Variants in IL23R observed in about 807,000 individuals in gnomAD.
IL23R encodes the protein interleukin 23 receptor.
IL23R carries 34 observed loss-of-function variants against 56.9 expected under a neutral mutation model. The ratio of observed to expected loss-of-function variants is 0.60; its 90% confidence interval spans 0.45 to 0.80. The LOEUF is 0.80. Among genes scored for constraint, IL23R ranks in the 30% least tolerant of loss-of-function variants. IL23R has a pLI of 0.00. For synonymous variants in IL23R, 230 were observed against 249.2 expected, an observed-to-expected ratio of 0.92 and a Z score of 0.73; for missense variants, 635 against 730.0, an observed-to-expected ratio of 0.87 and a Z score of 1.50.
At chr1:67,159,794 G>T (rs1238335090) in intron 1 of IL23R, among the ~76,000 whole-genome samples, 1 of 152,088 alleles carries the variant, frequency 6.6e-6, no homozygotes, top group Non-Finnish European at 1.5e-5. Context: ...AAATAAAACA[G>T]CATATCACAA....
At chr1:67,151,955 G>A (rs1646732365) in intron 1 of IL23R, among the ~76,000 whole-genome samples, 1 of 152,006 alleles carries the variant, frequency 6.6e-6, no homozygotes, top group African/African-American at 2.4e-5. Context: ...GCTCTTTTTT[G>A]GTTCCATATG....
intron 1 of IL23R, among the ~76,000 whole-genome samples, chr1:67,152,033 A>G (rs1646733323): frequency 6.6e-6 from 1 of 152,190 alleles, no homozygotes; most frequent in African/African-American, 2.4e-5. Flanking sequence ...ATAGGCTTGA[A>G]TCTATAAATT....
chr1:67,233,533 A>C (rs562537519), intron 7 of IL23R, among the ~76,000 whole-genome samples: 1 of 152,316 alleles, frequency 6.6e-6, no homozygotes, highest in African/African-American at 2.4e-5. Context: ...TGATTAAACT[A>C]GCCTGGTGTT....
upstream of IL23R, among the ~76,000 whole-genome samples, chr1:67,161,857 A>T (rs1377792572): frequency 4.0e-5 from 6 of 151,876 alleles, no homozygotes; most frequent in Admixed American, 3.3e-4. Context: ...CGATTTCCTG[A>T]CCTTGCGATC....
intron 1 of IL23R, among the ~76,000 whole-genome samples, chr1:67,158,505 A>G (rs1003316860): frequency 1.3e-5 from 2 of 152,226 alleles, no homozygotes; most frequent in African/African-American, 4.8e-5. Flanking sequence ...TAAGGGGCAG[A>G]TTATGCAGAA....
chr1:67,162,282 G>A (rs1375813839), upstream of IL23R, among the ~76,000 whole-genome samples: 1 of 151,790 alleles, frequency 6.6e-6, no homozygotes, highest in Non-Finnish European at 1.5e-5. Flanking sequence ...TGGCTAACAC[G>A]GTGAAACCCA....
intron 6 of IL23R, among the ~76,000 whole-genome samples, chr1:67,212,301 G>C (rs772221152): frequency 2.6e-5 from 4 of 152,170 alleles, no homozygotes; most frequent in Non-Finnish European, 5.9e-5. Flanking sequence ...ATTTCATCTG[G>C]GTCATGCATG....
In IL23R at chr1:67,254,210, A is replaced by G. The variant is rs147012537; in HGVS notation, c.1149-1627A>G. On this transcript the variant is annotated intron_variant, in intron 9 of 10. Coordinates refer to ENST00000347310, the MANE Select transcript of IL23R (RefSeq NM_144701.3). ...CAGCCTCCCAAGTAGCTAGGAATAC[A>G]GGCACACACCACCATTTCCAACTAA... is the stretch of plus-strand genomic sequence containing the variant. Among the ~76,000 whole-genome samples the G allele has an allele frequency of 4.2e-3, 646 of 152,144 alleles. 7 individuals are homozygous for G. The highest frequency in any genetic ancestry group is 0.01 in the Middle Eastern group (3 of 294).
At chr1:67,143,212 G>A (rs1005967413) in intron 1 of IL23R, among the ~76,000 whole-genome samples, 1 of 152,140 alleles carries the variant, frequency 6.6e-6, no homozygotes, top group Non-Finnish European at 1.5e-5. Flanking sequence ...TCTTTAGACT[G>A]TTCGAAAATG....
At chr1:67,237,683 C>A (rs111965133) in intron 8 of IL23R, among the ~76,000 whole-genome samples, 1 of 152,012 alleles carries the variant, frequency 6.6e-6, no homozygotes, top group East Asian at 1.9e-4. Flanking sequence ...ACGTTTTAGG[C>A]GTAAAAAAAT....
At chr1:67,146,174 G>A (rs767374505) in intron 1 of IL23R, among the ~76,000 whole-genome samples, 1 of 152,186 alleles carries the variant, frequency 6.6e-6, no homozygotes, top group Non-Finnish European at 1.5e-5. Flanking sequence ...GGCCAAAAGA[G>A]CTTCTCAGCT....
chr1:67,138,771 T>C (rs879570811), upstream of IL23R: 2 of 152,378 alleles, frequency 1.3e-5, no homozygotes, highest in Non-Finnish European at 2.9e-5. Flanking sequence ...TGTCTTTTCA[T>C]GCTGTTCCCT....
intron 5 of IL23R, among the ~76,000 whole-genome samples, chr1:67,206,016 T>G (rs570271571): frequency 7.3e-5 from 11 of 151,422 alleles, no homozygotes; most frequent in South Asian, 4.2e-4. Flanking sequence ...TCCTTTCCCT[T>G]CCTTTCTTTC....
At chr1:67,191,284 A>G (rs1240487401) in intron 4 of IL23R, among the ~76,000 whole-genome samples, 4 of 152,204 alleles carry the variant, frequency 2.6e-5, no homozygotes, top group African/African-American at 9.6e-5. Context: ...CTGAGAAAAC[A>G]GAAGCAATGA....
chr1:67,240,109 G>C, intron 8 of IL23R, 70 bp from the exon 9 acceptor site: 4 of 1,100,918 alleles, frequency 3.6e-6, no homozygotes, highest in Non-Finnish European at 5.6e-6. Context: ...GCAGAGTAAA[G>C]AGAATAGTAA....
downstream of IL23R, chr1:67,260,120 G>A (rs1440125045): frequency 6.6e-6 from 1 of 152,130 alleles, no homozygotes; most frequent in African/African-American, 2.4e-5. Context: ...CAGAAGAGAA[G>A]TTAGTCGTTT....
chr1:67,235,334 T>C (rs1651398745), intron 7 of IL23R, among the ~76,000 whole-genome samples: 2 of 152,192 alleles, frequency 1.3e-5, no homozygotes, highest in Admixed American at 1.3e-4. Context: ...TCACCCACTG[T>C]TCTCAGAAAA....
At chr1:67,167,139 GT>G (rs1224364267) in intron 1 of IL23R, among the ~76,000 whole-genome samples, 1 of 152,184 alleles carries the variant, frequency 6.6e-6, no homozygotes, top group Non-Finnish European at 1.5e-5. Flanking sequence ...GTCTCACTCT[GT>G]CGCCCAGGCT....
At chr1:67,205,952 T>G (rs895415064) in intron 5 of IL23R, among the ~76,000 whole-genome samples, 4 of 151,578 alleles carry the variant, frequency 2.6e-5, no homozygotes, top group Non-Finnish European at 5.9e-5. Context: ...TCTTTTTTTT[T>G]CTTTCTTTCT....
Sources: allele counts gnomAD v4.1 joint callset (sites outside exome capture counted in the v4.1 genomes callset), GRCh38; gene constraint gnomAD v4.1.1; transcripts MANE v1.5; gene names NCBI Gene and HGNC (gene_info 2026-07-23, HGNC 2026-07-21).